Variants in RPS6KA2 observed in about 807,000 individuals in gnomAD.
The protein encoded by RPS6KA2 is ribosomal protein S6 kinase A2.
RPS6KA2 carries 42 observed loss-of-function variants against 91.8 expected under a neutral mutation model. That is an observed-to-expected ratio of 0.46 (90% CI 0.36 to 0.59). RPS6KA2 has a LOEUF of 0.59. Among genes scored for constraint, RPS6KA2 ranks in the 20% least tolerant of loss-of-function variants. The pLI is 0.00. For synonymous variants in RPS6KA2, 414 were observed against 393.6 expected, an observed-to-expected ratio of 1.05 and a Z score of -0.61; for missense variants, 798 against 978.5, an observed-to-expected ratio of 0.82 and a Z score of 2.46.
intron 2 of RPS6KA2, among the ~76,000 whole-genome samples, chr6:166,731,833 C>T (rs959430318): frequency 3.9e-5 from 6 of 151,976 alleles, no homozygotes; most frequent in African/African-American, 9.7e-5. Flanking sequence ...CTGTGTGGGG[C>T]GGTCCCATGG....
chr6:166,468,726 G>A (rs767298718), intron 11 of RPS6KA2, among the ~76,000 whole-genome samples: 10 of 152,040 alleles, frequency 6.6e-5, no homozygotes, highest in African/African-American at 1.4e-4. Flanking sequence ...TTAGCCGGGC[G>A]TGGTGGGGGC....
At chr6:166,480,087 A>ATGTGC (rs1562523503) in intron 10 of RPS6KA2, among the ~76,000 whole-genome samples, 3 of 152,066 alleles carry the variant, frequency 2.0e-5, no homozygotes. Context: ...TTTGAGGTGG[A>ATGTGC]ATTACTTGGG....
At chr6:166,629,599 G>A (rs1289118626), upstream of RPS6KA2, among the ~76,000 whole-genome samples, 2 of 152,046 alleles carry the variant, frequency 1.3e-5, no homozygotes, top group African/African-American at 4.8e-5. Context: ...CTAAATCTAG[G>A]GTAGGTATAA....
At chr6:166,489,824 G>A (rs755435985) in intron 9 of RPS6KA2, among the ~76,000 whole-genome samples, 4 of 152,016 alleles carry the variant, frequency 2.6e-5, no homozygotes, top group Non-Finnish European at 5.9e-5. Flanking sequence ...CTGAGCTGGT[G>A]GTGTTTTAGG....
At chr6:166,425,875 C>T (rs1206960135) in intron 16 of RPS6KA2, among the ~76,000 whole-genome samples, 1 of 152,150 alleles carries the variant, frequency 6.6e-6, no homozygotes, top group Non-Finnish European at 1.5e-5. Flanking sequence ...ACCCCACTGT[C>T]AACATTAGAC....
chr6:166,621,077 T>C (rs1452060692), intron 1 of RPS6KA2, among the ~76,000 whole-genome samples: 1 of 152,200 alleles, frequency 6.6e-6, no homozygotes, highest in African/African-American at 2.4e-5. Context: ...AGAGGAAGAC[T>C]GGCTAGGGAG....
chr6:166,852,526 T>C lies in RPS6KA2; in HGVS notation c.123+5674A>G, dbSNP rs1378906525. ...AGGCGGTTTAGCCTGTCCCGGGCCA[T>C]ATCCTGCTGGAGCTTTGGCCCAGAG... On this transcript the variant is annotated intron_variant, in intron 2 of 21. Coordinates refer to the RPS6KA2 transcript ENST00000503859. This position sits in a 1 kb window ranked among gnomAD's most constrained non-coding sequence, Gnocchi z 4.1. 1.3e-5 allele frequency among the ~76,000 whole-genome samples: 2 copies of C among 152,184 alleles called. No homozygotes were observed. Among genetic ancestry groups the C allele is most frequent in the Non-Finnish European group, 2.9e-5 (2 of 68,010 alleles).
chr6:166,777,908 T>C (rs781773816), intron 2 of RPS6KA2, among the ~76,000 whole-genome samples: 9 of 152,310 alleles, frequency 5.9e-5, no homozygotes, highest in Non-Finnish European at 1.2e-4. Context: ...GTGTAATGTC[T>C]TTACAGAAAA....
At chr6:166,774,325 G>A (rs1778556999) in intron 2 of RPS6KA2, among the ~76,000 whole-genome samples, 1 of 152,246 alleles carries the variant, frequency 6.6e-6, no homozygotes, top group South Asian at 2.1e-4. Flanking sequence ...TCAGGCAGTT[G>A]ATAGACTCGA....
chr6:166,544,517 C>T (rs942210691), intron 1 of RPS6KA2: 2 of 152,074 alleles, frequency 1.3e-5, no homozygotes, highest in African/African-American at 2.4e-5. Flanking sequence ...ATTACTAAAA[C>T]GAAATAAAAA....
chr6:166,629,479 T>G (rs1182445678), upstream of RPS6KA2, among the ~76,000 whole-genome samples: 1 of 152,230 alleles, frequency 6.6e-6, no homozygotes, highest in East Asian at 1.9e-4. Context: ...GCTAGAACAA[T>G]AAATCTGTTT....
intron 11 of RPS6KA2, among the ~76,000 whole-genome samples, chr6:166,461,515 AGAGATGGG>A (rs1456861381): frequency 1.3e-4 from 8 of 62,566 alleles, no homozygotes; most frequent in South Asian, 9.0e-4. Context: ...AGAGAGAGAG[AGAGATGGG>A]GAGAGATGGG....
intron 11 of RPS6KA2, among the ~76,000 whole-genome samples, chr6:166,461,810 C>T (rs563699087): frequency 1.2e-4 from 19 of 152,352 alleles, no homozygotes; most frequent in Middle Eastern, 3.4e-3. Flanking sequence ...TCCTCTCCTC[C>T]GTGCCAGCTC....
intron 14 of RPS6KA2, among the ~76,000 whole-genome samples, chr6:166,439,183 C>G (rs1455205611): frequency 6.6e-6 from 1 of 152,194 alleles, no homozygotes; most frequent in Non-Finnish European, 1.5e-5. Context: ...TCTCGGCTCA[C>G]TGCAACTTCT....
At chr6:166,713,153 C>G (rs540486286) in intron 2 of RPS6KA2, among the ~76,000 whole-genome samples, 3 of 152,302 alleles carry the variant, frequency 2.0e-5, no homozygotes, top group Admixed American at 2.0e-4. Flanking sequence ...CACTGCAGAG[C>G]TCTTCCCCAT....
intron 2 of RPS6KA2, among the ~76,000 whole-genome samples, chr6:166,672,529 T>G (rs544793065): frequency 1.3e-3 from 200 of 152,330 alleles, no homozygotes; most frequent in African/African-American, 4.5e-3. Context: ...TCGCTTTATT[T>G]GCAGGCAGCA....
chr6:166,463,752 G>A (rs1237127100), intron 11 of RPS6KA2, among the ~76,000 whole-genome samples: 1 of 152,158 alleles, frequency 6.6e-6, no homozygotes, highest in African/African-American at 2.4e-5. Flanking sequence ...ATAAGGCAAA[G>A]GGCACATTTA....
intron 2 of RPS6KA2, among the ~76,000 whole-genome samples, chr6:166,703,234 T>C (rs961983535): frequency 1.3e-5 from 2 of 152,248 alleles, no homozygotes; most frequent in Admixed American, 1.3e-4. Flanking sequence ...AATGGCTACA[T>C]GTATTGATTA....
At chr6:166,764,011 G>A (rs1046591238) in intron 2 of RPS6KA2, among the ~76,000 whole-genome samples, 1 of 152,242 alleles carries the variant, frequency 6.6e-6, no homozygotes, top group Non-Finnish European at 1.5e-5. Context: ...TAGGGTTCTT[G>A]TTGTTCGGCT....
Sources: gnomAD v4.1 joint callset for allele counts (sites outside exome capture counted in the v4.1 genomes callset) on GRCh38, gnomAD v4.1.1 for gene constraint, Gnocchi (gnomAD v3.1) non-coding constraint, MANE v1.5 for transcripts, NCBI Gene and HGNC (gene_info 2026-07-23, HGNC 2026-07-21) for gene names.